The following TACR3 variants were observed in gnomAD, a reference collection of about 807,000 sequenced individuals.
TACR3 encodes the protein tachykinin receptor 3, also known as neuromedin-K receptor.
A neutral mutation model predicts 35.0 loss-of-function variants in TACR3; 34 were observed. The ratio of observed to expected loss-of-function variants is 0.97; its 90% confidence interval spans 0.74 to 1.30. TACR3 has a LOEUF of 1.30. TACR3 is among the 50% of genes most tolerant of loss of function. TACR3 has a pLI of 0.00. For missense variants in TACR3, 558 were observed against 591.7 expected (o/e 0.94, Z 0.59); for synonymous variants, 233 against 221.1 (o/e 1.05, Z -0.48).
chr4:103,700,121 C>T (rs1720872040), intron 1 of TACR3, among the ~76,000 whole-genome samples: 1 of 152,080 alleles, frequency 6.6e-6, no homozygotes, highest in South Asian at 2.1e-4. Flanking sequence ...ACAGGTACTC[C>T]TGGATAAACA....
intron 1 of TACR3, among the ~76,000 whole-genome samples, chr4:103,684,750 C>G (rs538256710): frequency 2.6e-5 from 4 of 151,990 alleles, no homozygotes; most frequent in Non-Finnish European, 5.9e-5. Flanking sequence ...CATCTGTAAT[C>G]CCAGCACTTT....
intron 1 of TACR3, among the ~76,000 whole-genome samples, chr4:103,708,617 A>G (rs532030395): frequency 6.6e-6 from 1 of 152,358 alleles, no homozygotes; most frequent in East Asian, 1.9e-4. Context: ...CTCCAAAGGA[A>G]AGCAGCTCCT....
In TACR3 at chr4:103,588,198, A is replaced by G. The variant is rs1723814410; in HGVS notation, c.*1484T>C. 6.6e-6 allele frequency: 1 copy of G among 152,130 alleles called. No individual in the cohort carries two copies. Among genetic ancestry groups the G allele is most frequent in the South Asian group, 2.1e-4 (1 of 4,830 alleles). 9.4% of individuals were successfully genotyped at this position (152,130 alleles called of 1,614,324 possible). ...TTCTTCAAAAATATTTTGTTTTAATATCGGTGGAGGCACAACAGTAAAGTG... is the reference window on the plus strand; with the variant it reads ...TTCTTCAAAAATATTTTGTTTTAATGTCGGTGGAGGCACAACAGTAAAGTG... On this transcript the variant is annotated 3_prime_UTR_variant, in exon 5 of 5. Transcript: ENST00000304883.
intron 1 of TACR3, among the ~76,000 whole-genome samples, chr4:103,714,963 T>G (rs1211351050): frequency 1.3e-5 from 2 of 152,146 alleles, no homozygotes; most frequent in Non-Finnish European, 2.9e-5. Flanking sequence ...AAATAGAAGA[T>G]TACCAAATAA....
At chr4:103,687,600 A>C (rs991318492) in intron 1 of TACR3, among the ~76,000 whole-genome samples, 34 of 152,132 alleles carry the variant, frequency 2.2e-4, no homozygotes, top group African/African-American at 7.0e-4. Flanking sequence ...TTATACACCA[A>C]TAACAGACAA....
chr4:103,626,296 CTT>C (rs759616338), intron 3 of TACR3, among the ~76,000 whole-genome samples: 1 of 152,180 alleles, frequency 6.6e-6, no homozygotes, highest in Non-Finnish European at 1.5e-5. Context: ...AATCTGGTAT[CTT>C]TTACCAATTA....
chr4:103,653,836 C>G (rs1725675164), intron 3 of TACR3, among the ~76,000 whole-genome samples: 2 of 151,906 alleles, frequency 1.3e-5, no homozygotes, highest in South Asian at 4.2e-4. Context: ...ACAATGAACT[C>G]AAACAAATTT....
chr4:103,708,728 A>G (rs1722860385), intron 1 of TACR3, among the ~76,000 whole-genome samples: 1 of 152,184 alleles, frequency 6.6e-6, no homozygotes, highest in Non-Finnish European at 1.5e-5. Flanking sequence ...AGGAAGTTTG[A>G]ACCCATCGCA....
chr4:103,595,769 CTTTAAG>C (rs1457778652), intron 3 of TACR3, among the ~76,000 whole-genome samples: 1 of 150,666 alleles, frequency 6.6e-6, no homozygotes, highest in African/African-American at 2.4e-5. Context: ...TATTATTATA[CTTTAAG>C]TTTTAGGGTA....
At chr4:103,709,636 G>T (rs913111479) in intron 1 of TACR3, among the ~76,000 whole-genome samples, 4 of 152,114 alleles carry the variant, frequency 2.6e-5, no homozygotes, top group African/African-American at 9.7e-5. Flanking sequence ...ATAATGACAG[G>T]ATCAAATTCG....
In TACR3 at chr4:103,626,408, A is replaced by T. The variant is rs147597017; in HGVS notation, c.888+29786T>A. Among the ~76,000 whole-genome samples the T allele has an allele frequency of 6.2e-3, 934 of 150,856 alleles. 10 individuals carry two copies. The highest frequency in any genetic ancestry group is 0.021 in the African/African-American group (872 of 40,856). ...AAGCCTGTCCTTTATGTGGGCTTTT[A>T]TTATTATTGTTATTTTTTTTTGACG... is the stretch of plus-strand genomic sequence containing the variant. On this transcript the variant is annotated intron_variant, in intron 3 of 4. Transcript: ENST00000304883.
intron 1 of TACR3, among the ~76,000 whole-genome samples, chr4:103,711,654 C>A (rs1722966347): frequency 6.6e-6 from 1 of 152,002 alleles, no homozygotes; most frequent in Non-Finnish European, 1.5e-5. Flanking sequence ...GGCAATCAGG[C>A]AGGAGAAAGA....
chr4:103,663,851 C>T (rs893439395), intron 1 of TACR3, among the ~76,000 whole-genome samples: 1 of 152,160 alleles, frequency 6.6e-6, no homozygotes, highest in Non-Finnish European at 1.5e-5. Context: ...ATTCTCTGGA[C>T]CTTGAGAATA....
chr4:103,714,508 G>T (rs1048069041), intron 1 of TACR3, among the ~76,000 whole-genome samples: 6 of 152,074 alleles, frequency 3.9e-5, no homozygotes, highest in African/African-American at 9.7e-5. Flanking sequence ...GAGCCAAACA[G>T]TTATGATAAG....
rs201886341 is a variant in TACR3 at position 103,719,333 on chromosome 4, G to C, written c.343C>G (p.Arg115Gly). 1.9e-6 allele frequency: 3 copies of C among 1,614,230 alleles called. No individual in the cohort carries two copies. The highest frequency in any genetic ancestry group is 2.5e-6 in the Non-Finnish European group (3 of 1,180,044). Residue 115 changes from arginine (R) to glycine (G), a missense_variant, in exon 1 of 5, where the codon CGC becomes GGC. Transcript: ENST00000304883. ...IVIWIILAHK[R>G]MRTVTNYFLV... ...AAGTAGTTGGTGACAGTCCTCATGC[G>C]CTTGTGGGCCAGGATGATCCAGATG...
intron 1 of TACR3, among the ~76,000 whole-genome samples, chr4:103,693,235 A>G (rs563400154): frequency 6.6e-6 from 1 of 152,326 alleles, no homozygotes; most frequent in South Asian, 2.1e-4. Flanking sequence ...ACATTATTTT[A>G]TATCACTGAT....
At chr4:103,711,162 C>T (rs762198040) in intron 1 of TACR3, among the ~76,000 whole-genome samples, 15 of 152,094 alleles carry the variant, frequency 9.9e-5, no homozygotes, top group African/African-American at 1.4e-4. Flanking sequence ...ATCATCCTGA[C>T]ACCAAACCCT....
intron 3 of TACR3, among the ~76,000 whole-genome samples, chr4:103,617,993 C>A (rs572483525): frequency 6.6e-6 from 1 of 152,174 alleles, no homozygotes; most frequent in South Asian, 2.1e-4. Context: ...GGAGAAAAAT[C>A]ATAAAATATC....
chr4:103,631,203 G>T (rs185376850), intron 3 of TACR3, among the ~76,000 whole-genome samples: 1 of 152,216 alleles, frequency 6.6e-6, no homozygotes, highest in Non-Finnish European at 1.5e-5. Context: ...AGGAGGGATA[G>T]CACTTGGAGA....
Sources: allele counts gnomAD v4.1 joint callset (sites outside exome capture counted in the v4.1 genomes callset), GRCh38; gene constraint gnomAD v4.1.1; transcripts MANE v1.5; gene names NCBI Gene and HGNC (gene_info 2026-07-23, HGNC 2026-07-21).